Variants in CNGA1 observed in about 807,000 individuals in gnomAD.
The protein encoded by CNGA1 is cyclic nucleotide gated channel subunit alpha 1.
A neutral mutation model predicts 69.7 loss-of-function variants in CNGA1; 53 were observed. That is an observed-to-expected ratio of 0.76 (90% CI 0.61 to 0.96). CNGA1 has a LOEUF of 0.96. Among genes scored for constraint, CNGA1 ranks in the 40% least tolerant of loss-of-function variants. The probability of loss-of-function intolerance (pLI) is 0.00; values close to 1 mark genes in which losing one functional copy is unlikely to be tolerated. For missense variants in CNGA1, 739 were observed against 811.2 expected (o/e 0.91, Z 1.08); for synonymous variants, 249 against 283.5 (o/e 0.88, Z 1.22).
chr4:47,974,415 G>A (rs967413187), intron 3 of CNGA1, among the ~76,000 whole-genome samples: 3 of 152,064 alleles, frequency 2.0e-5, no homozygotes, highest in African/African-American at 7.2e-5. Context: ...CAGCACCTTT[G>A]CCTTAAAATA....
chr4:47,953,617 T>C (rs371883589), intron 3 of CNGA1, among the ~76,000 whole-genome samples: 1 of 152,226 alleles, frequency 6.6e-6, no homozygotes, highest in African/African-American at 2.4e-5. Flanking sequence ...ACATATTATT[T>C]CCTCAGCTCA....
intron 3 of CNGA1, among the ~76,000 whole-genome samples, chr4:47,961,866 T>C (rs1436690095): frequency 6.6e-6 from 1 of 152,190 alleles, no homozygotes; most frequent in Non-Finnish European, 1.5e-5. Flanking sequence ...GATAATAAAG[T>C]TATTAGGAGA....
At chr4:47,989,791 AC>A (rs892784241) in intron 2 of CNGA1, among the ~76,000 whole-genome samples, 1 of 149,902 alleles carries the variant, frequency 6.7e-6, no homozygotes, top group African/African-American at 2.5e-5. Flanking sequence ...TTGCTCCCTC[AC>A]CCCCTTCCCA....
At chr4:48,008,458 G>GA (rs1284498608) in intron 2 of CNGA1, among the ~76,000 whole-genome samples, 8 of 151,772 alleles carry the variant, frequency 5.3e-5, no homozygotes, top group African/African-American at 1.9e-4. Flanking sequence ...CTTTGAATTA[G>GA]AAAAAAATTG....
chr4:47,973,693 T>A (rs1389161780), intron 3 of CNGA1, among the ~76,000 whole-genome samples: 1 of 151,788 alleles, frequency 6.6e-6, no homozygotes, highest in African/African-American at 2.4e-5. Context: ...CCAGTTAACT[T>A]CGGGATGTGT....
intron 3 of CNGA1, among the ~76,000 whole-genome samples, chr4:47,959,533 A>T (rs1740296276): frequency 6.6e-6 from 1 of 152,214 alleles, no homozygotes; most frequent in Non-Finnish European, 1.5e-5. Context: ...TTCTAGAATA[A>T]AACATAGGAA....
chr4:47,954,417 C>T (rs73147940), intron 3 of CNGA1, among the ~76,000 whole-genome samples: 1,933 of 152,324 alleles, frequency 0.013, 32 homozygotes, highest in African/African-American at 0.044. Flanking sequence ...AACACATGCC[C>T]ACTTGGGCTC....
intron 3 of CNGA1, among the ~76,000 whole-genome samples, chr4:47,965,408 T>C (rs1279936621): frequency 6.6e-6 from 1 of 151,878 alleles, no homozygotes; most frequent in African/African-American, 2.4e-5. Context: ...GATAAACACT[T>C]CTTGGTTATG....
At chr4:47,988,422 AT>A (rs927257662) in intron 2 of CNGA1, among the ~76,000 whole-genome samples, 1 of 151,962 alleles carries the variant, frequency 6.6e-6, no homozygotes. Context: ...ACACTTCTGT[AT>A]TTTTTTTACT....
chr4:47,966,182 G>A (rs1740713466), intron 3 of CNGA1, among the ~76,000 whole-genome samples: 1 of 152,172 alleles, frequency 6.6e-6, no homozygotes, highest in South Asian at 2.1e-4. Flanking sequence ...GTGAATACAT[G>A]GAACAGTATA....
At chr4:47,976,149 GTA>G (rs58349297) in intron 3 of CNGA1, among the ~76,000 whole-genome samples, 1,582 of 24,368 alleles carry the variant, frequency 0.065, 131 homozygotes, top group African/African-American at 0.15. Context: ...ACTTTCATAT[GTA>G]TATATATATA....
intron 3 of CNGA1, among the ~76,000 whole-genome samples, chr4:47,966,392 T>A (rs942194023): frequency 6.6e-6 from 1 of 152,222 alleles, no homozygotes; most frequent in Non-Finnish European, 1.5e-5. Flanking sequence ...AACCCACACA[T>A]AATTAACTAT....
rs539777582 is a variant in CNGA1 at position 47,975,557 on chromosome 4, C to G, written c.-15+5836G>C. 7.9e-5 allele frequency among the ~76,000 whole-genome samples: 12 copies of G among 152,160 alleles called. No individual in the cohort carries two copies. In the East Asian group the frequency reaches 2.3e-3, roughly 29 times the overall value. On this transcript the variant is annotated intron_variant, in intron 3 of 10. Coordinates refer to ENST00000514170, the MANE Select transcript of CNGA1 (RefSeq NM_001379270.1). ...CTTTAAACAAAATATTTTATAAGAA[C>G]ACAAAGTGATATAAGAGTGTTTTAA...
chr4:47,968,597 C>T (rs905318534), intron 3 of CNGA1, among the ~76,000 whole-genome samples: 1 of 152,186 alleles, frequency 6.6e-6, no homozygotes, highest in African/African-American at 2.4e-5. Context: ...GACACTCCTA[C>T]TGCCCCAAGA....
At position 47,966,532 on chromosome 4, in the gene CNGA1, C is replaced by T. The variant is rs546176275; in HGVS notation, c.-14-13829G>A. 8.5e-5 allele frequency among the ~76,000 whole-genome samples: 13 copies of T among 152,246 alleles called. No individual in the cohort carries two copies. In the South Asian group the frequency reaches 1.7e-3, roughly 19 times the overall value. ...CACATAAATCTACAGTTTTACCAAG[C>T]GCTATAAGTAATTCTGTTGCAAAGG... On this transcript the variant is annotated intron_variant, in intron 3 of 10. Transcript: ENST00000514170.
At chr4:47,978,865 A>G (rs1027193647) in intron 3 of CNGA1, among the ~76,000 whole-genome samples, 1 of 146,414 alleles carries the variant, frequency 6.8e-6, no homozygotes, top group African/African-American at 2.4e-5. Flanking sequence ...TATCAAGACT[A>G]TATCATTGCA....
chr4:48,007,575 C>A (rs1361961940), intron 2 of CNGA1, among the ~76,000 whole-genome samples: 1 of 152,194 alleles, frequency 6.6e-6, no homozygotes, highest in Middle Eastern at 3.4e-3. Flanking sequence ...ACTTGGTGTC[C>A]TTTTTAGACC....
chr4:47,949,869 G>A lies in CNGA1; in HGVS notation c.251C>T (p.Ala84Val), dbSNP rs760462644. The change falls in exon 6 of 11, where the codon GCA (alanine) becomes GTA (valine). Residue 84 changes from alanine to valine, a missense_variant. Transcript: ENST00000514170. ...GCTGCTGTTGTTCACATTAAAAAGT[G>A]CAATGGCACCAGGCAGGTACTGCTC... ...QREQYLPGAI[A>V]LFNVNNSSNK... is the part of the protein sequence containing the mutation. 6.2e-7 allele frequency: 1 copy of A among 1,614,020 alleles called. No individual in the cohort carries two copies. Among genetic ancestry groups the A allele is most frequent in the South Asian group, 1.1e-5 (1 of 91,072 alleles).
Position 47,937,773 on chromosome 4 carries a change from T to C in CNGA1, c.709A>G (p.Lys237Glu). Reference protein sequence around the residue: ...KEELKLINKYKSNLQFKLDVL... With the variant: ...KEELKLINKYESNLQFKLDVL... The stretch of plus-strand genomic sequence containing the variant: ...TCAAGTTTAAATTGCAAGTTGGATT[T>C]ATATTTATTTATGAGTTTAAGTTCT... Residue 237 changes from lysine to glutamate, a missense_variant, in exon 11 of 11, where the codon AAA (lysine) becomes GAA (glutamate). Physicochemically the swap from Lys to Glu is moderately conservative, Grantham distance 56. Coordinates refer to ENST00000514170, the MANE Select transcript of CNGA1 (RefSeq NM_001379270.1). 6.2e-7 allele frequency: 1 copy of C among 1,613,554 alleles called. No individual in the cohort carries two copies. The highest frequency in any genetic ancestry group is 1.1e-5 in the South Asian group (1 of 90,986).
Sources: allele counts gnomAD v4.1 joint callset (sites outside exome capture counted in the v4.1 genomes callset), GRCh38; gene constraint gnomAD v4.1.1; transcripts MANE v1.5; gene names NCBI Gene and HGNC (gene_info 2026-07-23, HGNC 2026-07-21).